Variants in SRPK2 observed in about 807,000 individuals in gnomAD.
SRPK2 encodes the protein SRSF protein kinase 2.
A neutral mutation model predicts 90.8 loss-of-function variants in SRPK2; 21 were observed. The ratio of observed to expected loss-of-function variants is 0.23; its 90% CI spans 0.16 to 0.33. The LOEUF (loss-of-function observed/expected upper bound fraction) is 0.33, where lower values mean the gene tolerates loss of function less well. Ranked by LOEUF, SRPK2 falls within the 10% of genes least tolerant of loss-of-function variation. The probability of loss-of-function intolerance (pLI) is 1.00; values close to 1 mark genes in which losing one functional copy is unlikely to be tolerated. For synonymous variants in SRPK2, 288 were observed against 311.1 expected, an observed-to-expected ratio of 0.93 and a Z score of 0.78; for missense variants, 620 against 869.0, an observed-to-expected ratio of 0.71 and a Z score of 3.60.
chr7:105,153,474 C>G (rs913770274), intron 7 of SRPK2, among the ~76,000 whole-genome samples: 2 of 152,150 alleles, frequency 1.3e-5, no homozygotes, highest in African/African-American at 4.8e-5. Flanking sequence ...TCCACCACAA[C>G]TTGATTGAAA....
intron 2 of SRPK2, among the ~76,000 whole-genome samples, chr7:105,279,075 G>A (rs369738834): frequency 3.9e-5 from 6 of 151,988 alleles, no homozygotes; most frequent in Non-Finnish European, 7.4e-5. Flanking sequence ...TTCCTTAAAC[G>A]TAGCCTTTGC....
At chr7:105,165,788 T>C (rs1044680839) in intron 6 of SRPK2, among the ~76,000 whole-genome samples, 2 of 152,210 alleles carry the variant, frequency 1.3e-5, no homozygotes, top group Non-Finnish European at 2.9e-5. Flanking sequence ...TGGGTCCCCT[T>C]CCATGCTGTG....
At chr7:105,204,382 T>C (rs929478387) in intron 2 of SRPK2, among the ~76,000 whole-genome samples, 3 of 152,228 alleles carry the variant, frequency 2.0e-5, no homozygotes, top group African/African-American at 7.2e-5. Flanking sequence ...TTTGAATGTA[T>C]TCTGGAAGCG....
intron 3 of SRPK2, among the ~76,000 whole-genome samples, chr7:105,184,316 A>G (rs1793293921): frequency 6.6e-6 from 1 of 152,092 alleles, no homozygotes; most frequent in South Asian, 2.1e-4. Context: ...TACATACATA[A>G]TGCCAGACAC....
At chr7:105,266,198 G>A (rs906511976) in intron 2 of SRPK2, among the ~76,000 whole-genome samples, 6 of 152,054 alleles carry the variant, frequency 3.9e-5, no homozygotes, top group Non-Finnish European at 5.9e-5. Context: ...CAAATCGTAT[G>A]TATATTTTTC....
At chr7:105,336,644 T>C (rs1003081984) in intron 2 of SRPK2, among the ~76,000 whole-genome samples, 1 of 152,218 alleles carries the variant, frequency 6.6e-6, no homozygotes, top group African/African-American at 2.4e-5. Context: ...ATACTACACA[T>C]TGAGGAAAGA....
At chr7:105,348,311 T>C (rs1297936464) in intron 2 of SRPK2, among the ~76,000 whole-genome samples, 1 of 152,012 alleles carries the variant, frequency 6.6e-6, no homozygotes, top group East Asian at 1.9e-4. Flanking sequence ...CATCAGGTGA[T>C]CCACCCACCT....
At chr7:105,196,816 G>A (rs1263186616) in intron 3 of SRPK2, among the ~76,000 whole-genome samples, 4 of 152,160 alleles carry the variant, frequency 2.6e-5, no homozygotes, top group Non-Finnish European at 4.4e-5. Context: ...TTGGGAGGCT[G>A]AGACAGGCGG....
chr7:105,235,538 C>A (rs1186444892), intron 2 of SRPK2, among the ~76,000 whole-genome samples: 3 of 152,022 alleles, frequency 2.0e-5, no homozygotes, highest in African/African-American at 7.2e-5. Flanking sequence ...TTCCCCAAGT[C>A]AAAAATAACT....
At chr7:105,293,826 C>G (rs1419762649) in intron 2 of SRPK2, among the ~76,000 whole-genome samples, 2 of 152,206 alleles carry the variant, frequency 1.3e-5, no homozygotes, top group African/African-American at 4.8e-5. Context: ...GGCCCCAGAT[C>G]TTTCACTATA....
intron 2 of SRPK2, among the ~76,000 whole-genome samples, chr7:105,334,782 G>C (rs926580784): frequency 6.8e-6 from 1 of 147,220 alleles, no homozygotes; most frequent in Non-Finnish European, 1.5e-5. Flanking sequence ...AGAGGTTGCA[G>C]TGAGCCAAAA....
chr7:105,284,388 A>C (rs965295299), intron 2 of SRPK2, among the ~76,000 whole-genome samples: 1 of 152,224 alleles, frequency 6.6e-6, no homozygotes, highest in African/African-American at 2.4e-5. Context: ...TGACTTAAGC[A>C]GGTACTGGTA....
intron 3 of SRPK2, among the ~76,000 whole-genome samples, chr7:105,181,649 T>C (rs1320639923): frequency 6.6e-6 from 1 of 151,934 alleles, no homozygotes; most frequent in Non-Finnish European, 1.5e-5. Context: ...TTCCCATGTA[T>C]AAGTGGGAAG....
At chr7:105,348,261 G>C (rs1816713260) in intron 2 of SRPK2, among the ~76,000 whole-genome samples, 1 of 151,276 alleles carries the variant, frequency 6.6e-6, no homozygotes, top group South Asian at 2.1e-4. Context: ...AATAGAAACG[G>C]GGTTTCTCCA....
chr7:105,159,527 G>A (rs535804642), intron 7 of SRPK2, among the ~76,000 whole-genome samples: 5 of 147,142 alleles, frequency 3.4e-5, no homozygotes, highest in Admixed American at 1.4e-4. Flanking sequence ...AAAGTTATCT[G>A]CACACAAATT....
At chr7:105,168,144 A>G (rs1229869158) in intron 4 of SRPK2, 49 bp from the exon 5 acceptor site, 3 of 1,435,558 alleles carry the variant, frequency 2.1e-6, no homozygotes, top group Non-Finnish European at 2.9e-6. Flanking sequence ...TTATCAGTAG[A>G]AAGAATCACT....
At position 105,258,769 on chromosome 7, in the gene SRPK2, G is replaced by A. The variant is rs1358694901; in HGVS notation, c.72-54984C>T. Among the ~76,000 whole-genome samples the A allele has an allele frequency of 5.3e-5, 8 of 152,208 alleles. No individual in the cohort carries two copies. The East Asian group carries it at 1.5e-3, about 29-fold the overall frequency. On this transcript the variant is annotated intron_variant, in intron 2 of 15. Transcript: ENST00000393651. The stretch of plus-strand genomic sequence containing the variant: ...AAACGTAATCCATCACATAAAAACA[G>A]AACCAACAACAAAAACCACATGATT...
intron 2 of SRPK2, among the ~76,000 whole-genome samples, chr7:105,279,630 T>C (rs938131292): frequency 1.4e-4 from 22 of 152,250 alleles, no homozygotes; most frequent in African/African-American, 4.8e-4. Context: ...TGTTTCGGTA[T>C]AAAATTTGAG....
intron 2 of SRPK2, among the ~76,000 whole-genome samples, chr7:105,311,528 T>G (rs754608623): frequency 6.6e-6 from 1 of 152,172 alleles, no homozygotes; most frequent in Non-Finnish European, 1.5e-5. Context: ...CCACTCCACC[T>G]GGCCAACAAG....
Sources: gnomAD v4.1 joint callset for allele counts (sites outside exome capture counted in the v4.1 genomes callset) on GRCh38, gnomAD v4.1.1 for gene constraint, MANE v1.5 for transcripts, NCBI Gene and HGNC (gene_info 2026-07-23, HGNC 2026-07-21) for gene names.